The following CDH12 variants were observed in gnomAD, a reference collection of about 807,000 sequenced individuals.
The protein encoded by CDH12 is cadherin 12.
In CDH12, 41 loss-of-function variants were observed where a neutral mutation model predicts 74.1. The ratio of observed to expected loss-of-function variants is 0.55; its 90% CI spans 0.43 to 0.72. The LOEUF is 0.72. CDH12 is among the 30% of genes least tolerant of loss of function. The probability of loss-of-function intolerance (pLI) is 0.00; values close to 1 mark genes in which losing one functional copy is unlikely to be tolerated. For synonymous variants in CDH12, 399 were observed against 355.0 expected (o/e 1.12, Z -1.39); for missense variants, 945 against 977.2 (o/e 0.97, Z 0.44).
At chr5:22,305,299 C>T (rs1458226382) in intron 3 of CDH12, among the ~76,000 whole-genome samples, 1 of 152,174 alleles carries the variant, frequency 6.6e-6, no homozygotes, top group African/African-American at 2.4e-5. Flanking sequence ...ACACTGTCCT[C>T]TTTGCTGTTT....
intron 3 of CDH12, among the ~76,000 whole-genome samples, chr5:22,307,973 T>C (rs372878732): frequency 1.4e-4 from 19 of 135,074 alleles, no homozygotes; most frequent in East Asian, 5.1e-4. Flanking sequence ...CTCTGCCTCC[T>C]GGGTTCACGC....
chr5:22,821,166 CTT>C (rs1373630016), intron 1 of CDH12, among the ~76,000 whole-genome samples: 1 of 151,984 alleles, frequency 6.6e-6, no homozygotes, highest in Non-Finnish European at 1.5e-5. Flanking sequence ...CAGAAAAGGC[CTT>C]TGACAAAATT....
intron 1 of CDH12, among the ~76,000 whole-genome samples, chr5:22,639,437 T>C (rs1052647964): frequency 5.6e-4 from 85 of 151,114 alleles, no homozygotes; most frequent in African/African-American, 1.9e-3. Context: ...TTCTTCTTTT[T>C]TTTTTTTTTT....
At chr5:22,679,009 C>T (rs772967190) in intron 1 of CDH12, among the ~76,000 whole-genome samples, 2 of 152,142 alleles carry the variant, frequency 1.3e-5, no homozygotes, top group African/African-American at 4.8e-5. Context: ...TCATGGAGTA[C>T]AGTTGAGGTT....
intron 3 of CDH12, among the ~76,000 whole-genome samples, chr5:22,308,037 C>T (rs1056113846): frequency 5.7e-4 from 87 of 151,506 alleles, no homozygotes; most frequent in Non-Finnish European, 1.1e-3. Flanking sequence ...CCCGCCACCA[C>T]GCCCGGCTAA....
intron 7 of CDH12, among the ~76,000 whole-genome samples, chr5:21,853,906 A>G (rs933342026): frequency 6.6e-6 from 1 of 151,610 alleles, no homozygotes; most frequent in African/African-American, 2.4e-5. Context: ...CAAAATAACC[A>G]TCGTTGTGGG....
chr5:21,953,671 G>C lies in CDH12; in HGVS notation c.526+21420C>G, dbSNP rs184733265. On this transcript the variant is annotated intron_variant, in intron 6 of 14. Coordinates refer to ENST00000382254, the MANE Select transcript of CDH12 (RefSeq NM_004061.5). ...AAGTAAAAGTACAAAACATTTTGTA[G>C]AGATGTAGCTTGTGGTGGCATGGTT... is the stretch of plus-strand genomic sequence containing the variant. Among the ~76,000 whole-genome samples, 15 of 152,290 alleles carry C rather than the reference G, an allele frequency of 9.8e-5. No homozygotes were observed. In the East Asian group the frequency reaches 2.7e-3, roughly 27 times the overall value.
At chr5:21,794,702 A>G (rs1456765465) in intron 10 of CDH12, among the ~76,000 whole-genome samples, 3 of 151,736 alleles carry the variant, frequency 2.0e-5, no homozygotes, top group Non-Finnish European at 4.4e-5. Context: ...AATTTATAAT[A>G]TATTTTTTAG....
chr5:22,280,392 T>C lies in CDH12; in HGVS notation c.-332-67749A>G, dbSNP rs533997271. On this transcript the variant is annotated intron_variant, in intron 3 of 14. Coordinates refer to ENST00000382254, the MANE Select transcript of CDH12 (RefSeq NM_004061.5). ...AAGATCAGAGCAGAACTGAAGGAGA[T>C]AGAGACACGAAAAACCCTTCAAAAA... Among the ~76,000 whole-genome samples the C allele has an allele frequency of 1.9e-4, 29 of 152,084 alleles. No homozygotes were observed. The East Asian group carries it at 2.1e-3, about 11-fold the overall frequency.
At chr5:22,113,715 A>G (rs1269923397) in intron 4 of CDH12, among the ~76,000 whole-genome samples, 1 of 152,098 alleles carries the variant, frequency 6.6e-6, no homozygotes, top group African/African-American at 2.4e-5. Flanking sequence ...CTAAATCTCA[A>G]ATGTTTTACA....
chr5:21,985,526 G>A (rs972389563), intron 5 of CDH12, among the ~76,000 whole-genome samples: 1 of 151,996 alleles, frequency 6.6e-6, no homozygotes, highest in Non-Finnish European at 1.5e-5. Context: ...GATGTAGAAT[G>A]GTTTAGTAGT....
chr5:22,144,574 A>C lies in CDH12; in HGVS notation c.-186-65712T>G, dbSNP rs868030573. On this transcript the variant is annotated intron_variant, in intron 4 of 14. Coordinates refer to ENST00000382254, the MANE Select transcript of CDH12 (RefSeq NM_004061.5). ...AAGTAAAAAGAAAATTGGGATAAAAATGTGCAGTGTGTTTTATTCGTTATG... is the reference window on the plus strand; with the variant it reads ...AAGTAAAAAGAAAATTGGGATAAAACTGTGCAGTGTGTTTTATTCGTTATG... Among the ~76,000 whole-genome samples the C allele has an allele frequency of 1.2e-4, 18 of 152,226 alleles. No homozygotes were observed. In the Middle Eastern group the frequency reaches 0.02, roughly 173 times the overall value.
intron 2 of CDH12, among the ~76,000 whole-genome samples, chr5:22,470,087 A>G (rs1181119671): frequency 6.6e-6 from 1 of 152,212 alleles, no homozygotes; most frequent in Non-Finnish European, 1.5e-5. Flanking sequence ...CTTCTGGTGT[A>G]GAAACTTTTG....
At chr5:22,652,494 A>G (rs1316707126) in intron 1 of CDH12, among the ~76,000 whole-genome samples, 1 of 152,182 alleles carries the variant, frequency 6.6e-6, no homozygotes, top group Non-Finnish European at 1.5e-5. Context: ...CCATTTGAAC[A>G]ACTTCAAACA....
intron 3 of CDH12, among the ~76,000 whole-genome samples, chr5:22,236,218 G>A (rs1193151636): frequency 1.3e-5 from 2 of 152,112 alleles, no homozygotes; most frequent in Non-Finnish European, 2.9e-5. Context: ...TATACTAAAT[G>A]TATACTAAAT....
intron 4 of CDH12, among the ~76,000 whole-genome samples, chr5:22,097,741 C>T (rs577055408): frequency 1.3e-5 from 2 of 152,136 alleles, no homozygotes; most frequent in Admixed American, 1.3e-4. Flanking sequence ...AAGTATAAGA[C>T]ACCTCTACTC....
intron 8 of CDH12, among the ~76,000 whole-genome samples, chr5:21,832,891 TATATC>T (rs2149970148): frequency 4.8e-5 from 4 of 82,710 alleles, no homozygotes; most frequent in East Asian, 3.6e-4. Flanking sequence ...AATATTAATA[TATATC>T]ATATAATATA....
At chr5:22,183,459 G>C (rs1749756957) in intron 4 of CDH12, among the ~76,000 whole-genome samples, 1 of 152,134 alleles carries the variant, frequency 6.6e-6, no homozygotes, top group Non-Finnish European at 1.5e-5. Context: ...GGACAGAAAA[G>C]AATCAGAAGT....
chr5:22,668,318 A>G (rs1740725115), intron 1 of CDH12, among the ~76,000 whole-genome samples: 1 of 152,226 alleles, frequency 6.6e-6, no homozygotes. Flanking sequence ...AGTAACAAAA[A>G]AGCACATGTG....
Sources: gnomAD v4.1 joint callset for allele counts (sites outside exome capture counted in the v4.1 genomes callset) on GRCh38, gnomAD v4.1.1 for gene constraint, MANE v1.5 for transcripts, NCBI Gene and HGNC (gene_info 2026-07-23, HGNC 2026-07-21) for gene names.